The following TRPS1 variants were observed in gnomAD, a reference collection of about 807,000 sequenced individuals.
TRPS1 encodes the protein zinc finger transcription factor Trps1.
Under a neutral mutation model 101.2 loss-of-function variants are expected in TRPS1, and 6 were observed. The observed-to-expected ratio is 0.06, with a 90% CI of 0.03 to 0.12. TRPS1 has a LOEUF of 0.12. TRPS1 is among the 10% of genes least tolerant of loss of function. The pLI is 1.00. For missense variants in TRPS1, 1,363 were observed against 1,567.0 expected (o/e 0.87, Z 2.20); for synonymous variants, 578 against 589.8 (o/e 0.98, Z 0.29).
chr8:115,418,517 C>T lies in TRPS1; in HGVS notation c.2701-65G>A. 6.2e-7 allele frequency: 1 copy of T among 1,611,522 alleles called. No individual in the cohort carries two copies. Among genetic ancestry groups the T allele is most frequent in the Non-Finnish European group, 8.5e-7 (1 of 1,178,166 alleles). On this transcript the variant is annotated intron_variant, in intron 5 of 6. Coordinates refer to ENST00000395715, the MANE Select transcript of TRPS1 (RefSeq NM_014112.5). The surrounding 1 kb of genome is among the most constrained non-coding windows in gnomAD (Gnocchi z 4.3). ...CATGATCAGTGGAGTTAGACCAAAT[C>T]AACCCAGGAGTTTTGTCTTTAAACT...
chr8:115,652,821 G>C (rs1811592271), intron 1 of TRPS1, among the ~76,000 whole-genome samples: 1 of 152,170 alleles, frequency 6.6e-6, no homozygotes, highest in African/African-American at 2.4e-5. Context: ...GCCTCATGAG[G>C]TCAAGTATAA....
intron 5 of TRPS1, among the ~76,000 whole-genome samples, chr8:115,471,934 G>A (rs1334802732): frequency 6.6e-6 from 1 of 152,218 alleles, no homozygotes; most frequent in African/African-American, 2.4e-5. Flanking sequence ...CCACCCCTGT[G>A]GTTTGCAGGG....
chr8:115,640,874 T>C (rs1377787503), intron 1 of TRPS1, among the ~76,000 whole-genome samples: 1 of 152,182 alleles, frequency 6.6e-6, no homozygotes, highest in Admixed American at 6.5e-5. Flanking sequence ...ATATAACAGG[T>C]AAGCCTCTGA....
chr8:115,615,701 C>T (rs2130522206), intron 3 of TRPS1, among the ~76,000 whole-genome samples: 1 of 152,192 alleles, frequency 6.6e-6, no homozygotes, highest in Middle Eastern at 3.4e-3. Context: ...GCGGAGGTTG[C>T]AGTGAGCTGA....
At chr8:115,598,800 C>A (rs181504250) in intron 4 of TRPS1, among the ~76,000 whole-genome samples, 125 of 152,314 alleles carry the variant, frequency 8.2e-4, no homozygotes, top group Non-Finnish European at 1.5e-3. Context: ...CTCCTTCCTC[C>A]AGTTTCCATT....
In TRPS1 at chr8:115,418,439, G is replaced by A. The variant is rs1055701671; in HGVS notation, c.2714C>T (p.Ser905Phe). The part of the protein sequence containing the change: ...SQSLLRRRRG[S>F]GVFCANCLTT... Reference sequence around the variant, plus strand: ...CAGGCAATTGGCACAAAAAACACCGGAGCCTCTACGCCTCTGAAACAGGGG... The same window carrying A: ...CAGGCAATTGGCACAAAAAACACCGAAGCCTCTACGCCTCTGAAACAGGGG... The change falls in exon 6 of 7, where the codon TCC (serine) becomes TTC (phenylalanine). Residue 905 changes from serine to phenylalanine, a missense_variant. Ser to Phe is a radical substitution (Grantham distance 155). Coordinates refer to ENST00000395715, the MANE Select transcript of TRPS1 (RefSeq NM_014112.5). The surrounding 1 kb of genome is among the most constrained non-coding windows in gnomAD (Gnocchi z 4.3). 1 of 1,614,070 alleles carries A rather than the reference G, an allele frequency of 6.2e-7. No individual in the cohort carries two copies. Among genetic ancestry groups the A allele is most frequent in the Non-Finnish European group, 8.5e-7 (1 of 1,179,984 alleles).
chr8:115,518,167 C>T (rs1308839901), intron 5 of TRPS1, among the ~76,000 whole-genome samples: 1 of 151,760 alleles, frequency 6.6e-6, no homozygotes, highest in Non-Finnish European at 1.5e-5. Context: ...CCAAACCTTA[C>T]AGTATGTATG....
intron 5 of TRPS1, among the ~76,000 whole-genome samples, chr8:115,426,473 C>T (rs1029756469): frequency 6.6e-6 from 1 of 152,038 alleles, no homozygotes; most frequent in South Asian, 2.1e-4. Context: ...ATGTATTACA[C>T]CTTTTTAGGG....
intron 1 of TRPS1, among the ~76,000 whole-genome samples, chr8:115,627,925 C>T (rs1238207718): frequency 6.6e-6 from 1 of 151,642 alleles, no homozygotes; most frequent in Non-Finnish European, 1.5e-5. Context: ...TTAGAATGCT[C>T]GCTGTCTTCA....
chr8:115,532,479 T>C (rs1273746991), intron 5 of TRPS1, among the ~76,000 whole-genome samples: 1 of 152,144 alleles, frequency 6.6e-6, no homozygotes, highest in African/African-American at 2.4e-5. Context: ...GGAAGCTCAG[T>C]GTCTAGAAGA....
intron 5 of TRPS1, among the ~76,000 whole-genome samples, chr8:115,495,183 T>G (rs1364458622): frequency 2.0e-5 from 3 of 152,166 alleles, no homozygotes; most frequent in Non-Finnish European, 4.4e-5. Flanking sequence ...GAAGTAGCGG[T>G]AGAACAAAAT....
At chr8:115,564,452 G>A (rs529455813) in intron 5 of TRPS1, among the ~76,000 whole-genome samples, 1 of 152,140 alleles carries the variant, frequency 6.6e-6, no homozygotes, top group South Asian at 2.1e-4. Flanking sequence ...AATAGATCCT[G>A]ATGACACAGG....
At chr8:115,558,183 T>C (rs1816868837) in intron 5 of TRPS1, among the ~76,000 whole-genome samples, 1 of 152,080 alleles carries the variant, frequency 6.6e-6, no homozygotes, top group African/African-American at 2.4e-5. Flanking sequence ...TAAACTCTAG[T>C]CTAAGACCAG....
chr8:115,556,936 A>C (rs1816834671), intron 5 of TRPS1, among the ~76,000 whole-genome samples: 2 of 152,170 alleles, frequency 1.3e-5, no homozygotes, highest in South Asian at 2.1e-4. Context: ...GTATGCTTTC[A>C]TGCTGCTGAT....
In TRPS1 at chr8:115,411,198, A is replaced by T. The variant is rs1812781376; in HGVS notation, c.*2825T>A. 1 of 152,396 alleles carries T rather than the reference A, an allele frequency of 6.6e-6. No individual in the cohort carries two copies. The highest frequency in any genetic ancestry group is 1.5e-5 in the Non-Finnish European group (1 of 67,960). The allele number at this position is 152,396 out of a possible 1,614,324, so 9.4% of individuals were successfully genotyped here. A position where few individuals can be genotyped will look rare whatever the true frequency, so the allele number is the denominator to read the frequency against. ...TGTCAACGCTATCCAAAAATATTCT[A>T]CTAAAAAGTAGACTGACCATAAATA... On this transcript the variant is annotated 3_prime_UTR_variant, in exon 7 of 7. Transcript: ENST00000395715.
chr8:115,624,083 AAT>A, intron 1 of TRPS1, among the ~76,000 whole-genome samples: 1 of 152,180 alleles, frequency 6.6e-6, no homozygotes, highest in South Asian at 2.1e-4. Context: ...AAAAGATCTT[AAT>A]TTGTAAACAC....
chr8:115,570,374 A>G (rs1817172320), intron 5 of TRPS1, among the ~76,000 whole-genome samples: 1 of 152,142 alleles, frequency 6.6e-6, no homozygotes. Context: ...CGGCAGTCTC[A>G]TACAGCAAAT....
intron 5 of TRPS1, among the ~76,000 whole-genome samples, chr8:115,435,900 A>G (rs531345130): frequency 1.3e-5 from 2 of 152,182 alleles, no homozygotes; most frequent in East Asian, 1.9e-4. Context: ...GTAAATATAC[A>G]TGAAGCAATT....
intron 1 of TRPS1, among the ~76,000 whole-genome samples, chr8:115,663,213 T>C (rs545122242): frequency 3.3e-5 from 5 of 151,744 alleles, no homozygotes; most frequent in South Asian, 4.2e-4. Flanking sequence ...CAACAGAGCC[T>C]TTCTTCCTCA....
Sources: allele counts gnomAD v4.1 joint callset (sites outside exome capture counted in the v4.1 genomes callset), GRCh38; gene constraint gnomAD v4.1.1; non-coding constraint Gnocchi (gnomAD v3.1); transcripts MANE v1.5; gene names NCBI Gene and HGNC (gene_info 2026-07-23, HGNC 2026-07-21).